ACTR3C: variants seen among roughly 807,000 people sequenced by gnomAD.
ACTR3C encodes actin-related protein 3C.
A neutral mutation model predicts 26.3 loss-of-function variants in ACTR3C; 18 were observed. The ratio of observed to expected loss-of-function variants is 0.68; its 90% CI spans 0.47 to 1.01. ACTR3C has a LOEUF of 1.01. Among genes scored for constraint, ACTR3C ranks in the 50% least tolerant of loss-of-function variants. The pLI is 0.00. For missense variants in ACTR3C, 184 were observed against 250.7 expected, an observed-to-expected ratio of 0.73 and a Z score of 1.80; for synonymous variants, 55 against 94.5, an observed-to-expected ratio of 0.58 and a Z score of 2.42.
chr7:150,116,392 C>A, the ACTR3C span, among the ~76,000 whole-genome samples: 1 of 152,096 alleles, frequency 6.6e-6, no homozygotes, highest in African/African-American at 2.4e-5. Flanking sequence ...TTCTTCGTGC[C>A]CCCTGATGCC....
the ACTR3C span, among the ~76,000 whole-genome samples, chr7:150,029,771 T>C: frequency 6.6e-6 from 1 of 152,032 alleles, no homozygotes; most frequent in Non-Finnish European, 1.5e-5. Context: ...CCGAGGGTCA[T>C]TCTGAATGGC....
chr7:149,935,395 GT>G, the ACTR3C span, among the ~76,000 whole-genome samples: 3 of 98,920 alleles, frequency 3.0e-5, no homozygotes. Flanking sequence ...CTACACAGGT[GT>G]TTTTTTGTTT....
the ACTR3C span, among the ~76,000 whole-genome samples, chr7:150,036,821 G>T: frequency 1.5e-5 from 2 of 134,516 alleles, 1 homozygote; most frequent in Non-Finnish European, 3.5e-5. Context: ...CCTCCAGGTG[G>T]GTCCTAAGGA....
chr7:150,086,057 ACCT>A, the ACTR3C span, among the ~76,000 whole-genome samples: 1 of 151,562 alleles, frequency 6.6e-6, no homozygotes, highest in African/African-American at 2.4e-5. Flanking sequence ...GCTCACTACA[ACCT>A]CCGTCTCCCA....
the ACTR3C span, among the ~76,000 whole-genome samples, chr7:150,217,230 C>A: frequency 6.6e-6 from 1 of 150,566 alleles, no homozygotes; most frequent in Non-Finnish European, 1.5e-5. Context: ...AGCAACTTAT[C>A]CAAAATGACA....
At chr7:150,294,234 C>T (rs1009086389) in intron 2 of ACTR3C, among the ~76,000 whole-genome samples, 12 of 152,164 alleles carry the variant, frequency 7.9e-5, no homozygotes, top group African/African-American at 2.9e-4. Flanking sequence ...GGCGGGGAGG[C>T]TTGAGGTGGG....
chr7:149,895,799 A>T, the ACTR3C span, among the ~76,000 whole-genome samples: 1 of 151,348 alleles, frequency 6.6e-6, no homozygotes, highest in East Asian at 2.0e-4. Context: ...CTCCAGCCTG[A>T]GCAACAGAGT....
chr7:149,883,540 G>T, the ACTR3C span, among the ~76,000 whole-genome samples: 1 of 152,192 alleles, frequency 6.6e-6, no homozygotes, highest in South Asian at 2.1e-4. Flanking sequence ...AGAAAAAAAA[G>T]TAAAGGTAAC....
chr7:150,085,503 G>A, the ACTR3C span, among the ~76,000 whole-genome samples: 1 of 152,158 alleles, frequency 6.6e-6, no homozygotes, highest in Non-Finnish European at 1.5e-5. Flanking sequence ...TAAAAGTGGT[G>A]AGGAGAGAGG....
chr7:150,174,571 GAAA>G, the ACTR3C span, among the ~76,000 whole-genome samples: 3 of 99,842 alleles, frequency 3.0e-5, no homozygotes, highest in Non-Finnish European at 5.6e-5. Flanking sequence ...ATCCTGCTCT[GAAA>G]AAAAAAAAAA....
chr7:149,883,139 C>G, the ACTR3C span, among the ~76,000 whole-genome samples: 2 of 152,212 alleles, frequency 1.3e-5, no homozygotes, highest in Non-Finnish European at 2.9e-5. Flanking sequence ...TTGGTAGGAA[C>G]AAACACTAAA....
chr7:150,198,395 T>C, the ACTR3C span, among the ~76,000 whole-genome samples: 2 of 144,498 alleles, frequency 1.4e-5, no homozygotes, highest in Admixed American at 6.8e-5. Flanking sequence ...ATCTAGGAAG[T>C]GAGGAGCGCC....
At chr7:150,243,093 G>A (rs534444709), downstream of ACTR3C, among the ~76,000 whole-genome samples, 53 of 152,244 alleles carry the variant, frequency 3.5e-4, no homozygotes, top group African/African-American at 1.3e-3. Context: ...TAAGCCCTTT[G>A]TGTGTGTTAT....
chr7:150,011,901 G>A, the ACTR3C span, among the ~76,000 whole-genome samples: 5 of 152,224 alleles, frequency 3.3e-5, no homozygotes, highest in African/African-American at 7.2e-5. Context: ...TCTAGTTGGC[G>A]AGATGCATTA....
At chr7:149,910,995 A>T in the ACTR3C span, among the ~76,000 whole-genome samples, 2 of 151,946 alleles carry the variant, frequency 1.3e-5, no homozygotes, top group Non-Finnish European at 2.9e-5. Context: ...GACCCAGGTG[A>T]AGTCCTCTCC....
chr7:150,147,167 A>C, the ACTR3C span, among the ~76,000 whole-genome samples: 1 of 152,194 alleles, frequency 6.6e-6, no homozygotes, highest in Non-Finnish European at 1.5e-5. Flanking sequence ...AAAACATTTA[A>C]AATATTAGGC....
the ACTR3C span, among the ~76,000 whole-genome samples, chr7:150,123,844 A>C: frequency 6.6e-6 from 1 of 152,190 alleles, no homozygotes; most frequent in South Asian, 2.1e-4. Flanking sequence ...AGAGGGTGCT[A>C]TCCCCTGAGC....
At chr7:150,035,566 G>A in the ACTR3C span, among the ~76,000 whole-genome samples, 504 of 38,606 alleles carry the variant, frequency 0.013, no homozygotes, top group South Asian at 0.024. Flanking sequence ...CCGCAGAGCC[G>A]GGGGGGAAGA....
the ACTR3C span, among the ~76,000 whole-genome samples, chr7:150,038,096 G>C: frequency 3.5e-5 from 5 of 141,352 alleles, 1 homozygote; most frequent in Non-Finnish European, 7.8e-5. Flanking sequence ...CTCCCCCCCT[G>C]TGATGGGAGT....
Sources: allele counts gnomAD v4.1 joint callset (sites outside exome capture counted in the v4.1 genomes callset), GRCh38; gene constraint gnomAD v4.1.1; transcripts MANE v1.5; gene names NCBI Gene and HGNC (gene_info 2026-07-23, HGNC 2026-07-21).